SNTG1: variants seen among roughly 807,000 people sequenced by gnomAD.
SNTG1 encodes the protein gamma-1-syntrophin.
SNTG1 carries 39 observed loss-of-function variants against 74.7 expected under a neutral mutation model. The observed-to-expected ratio is 0.52, with a 90% CI of 0.40 to 0.68. The LOEUF (loss-of-function observed/expected upper bound fraction) is 0.68, where lower values mean the gene tolerates loss of function less well. Among genes scored for constraint, SNTG1 ranks in the 30% least tolerant of loss-of-function variants. The probability of loss-of-function intolerance (pLI) is 0.00; values close to 1 mark genes in which losing one functional copy is unlikely to be tolerated. For synonymous variants in SNTG1, 254 were observed against 217.1 expected, an observed-to-expected ratio of 1.17 and a Z score of -1.49; for missense variants, 685 against 609.5, an observed-to-expected ratio of 1.12 and a Z score of -1.30.
intron 2 of SNTG1, among the ~76,000 whole-genome samples, chr8:50,361,364 A>G (rs1346334252): frequency 6.6e-6 from 1 of 152,154 alleles, no homozygotes; most frequent in African/African-American, 2.4e-5. Flanking sequence ...CTTGAGGAGG[A>G]GTCACATTTT....
At position 50,063,717 on chromosome 8, in the gene SNTG1, A is replaced by G. The variant is rs545187006; in HGVS notation, c.-102-108844A>G. ...GGAAACCATTGCTTTTTTTTTTTAA[A>G]TATAAAATGACTTAATAGCTTTTTT... is the stretch of plus-strand genomic sequence containing the variant. On this transcript the variant is annotated intron_variant, in intron 1 of 18. Coordinates refer to ENST00000642720, the MANE Select transcript of SNTG1 (RefSeq NM_018967.5). 2.0e-5 allele frequency among the ~76,000 whole-genome samples: 3 copies of G among 152,150 alleles called. No individual in the cohort carries two copies. The South Asian group carries it at 6.2e-4, about 32-fold the overall frequency.
At chr8:50,167,702 A>C (rs1010067912) in intron 1 of SNTG1, among the ~76,000 whole-genome samples, 1 of 151,330 alleles carries the variant, frequency 6.6e-6, no homozygotes, top group Middle Eastern at 3.2e-3. Context: ...AGTCCCAGCT[A>C]TTCAGGAAGC....
chr8:50,189,954 G>A (rs1334075842), intron 2 of SNTG1, among the ~76,000 whole-genome samples: 1 of 152,106 alleles, frequency 6.6e-6, no homozygotes, highest in East Asian at 1.9e-4. Flanking sequence ...ACGTTTGAGT[G>A]AAGATTATTT....
At chr8:50,011,427 T>G (rs1815785974) in intron 1 of SNTG1, among the ~76,000 whole-genome samples, 1 of 152,158 alleles carries the variant, frequency 6.6e-6, no homozygotes, top group African/African-American at 2.4e-5. Flanking sequence ...GCACAAATAT[T>G]TTTAACTTTT....
chr8:49,949,446 T>C (rs1245068911), intron 1 of SNTG1, among the ~76,000 whole-genome samples: 1 of 152,188 alleles, frequency 6.6e-6, no homozygotes, highest in Non-Finnish European at 1.5e-5. Flanking sequence ...CCACTCTCTT[T>C]TTTTTCTTAT....
At chr8:50,262,286 G>A (rs1340558157) in intron 2 of SNTG1, among the ~76,000 whole-genome samples, 1 of 151,936 alleles carries the variant, frequency 6.6e-6, no homozygotes, top group Non-Finnish European at 1.5e-5. Context: ...TTCCAGCAGA[G>A]GAAACTATAG....
chr8:50,306,602 A>G (rs2089908370), intron 2 of SNTG1, among the ~76,000 whole-genome samples: 2 of 151,988 alleles, frequency 1.3e-5, no homozygotes. Context: ...GGTACGAGTA[A>G]GGTGGTATCT....
intron 1 of SNTG1, among the ~76,000 whole-genome samples, chr8:50,154,954 A>G (rs931931626): frequency 1.3e-5 from 2 of 152,254 alleles, no homozygotes; most frequent in Non-Finnish European, 2.9e-5. Context: ...GTAATTTGTT[A>G]CACTTAGAAT....
At position 50,540,162 on chromosome 8, in the gene SNTG1, G is replaced by T. The variant is rs573179403; in HGVS notation, c.680+3354G>T. ...TCAGAAAGCAGCTGATAAGAATGAGGCCACTCTGTCTTGGCCAGAATAAGA... is the reference window on the plus strand; with the variant it reads ...TCAGAAAGCAGCTGATAAGAATGAGTCCACTCTGTCTTGGCCAGAATAAGA... On this transcript the variant is annotated intron_variant, in intron 11 of 18. Coordinates refer to ENST00000642720, the MANE Select transcript of SNTG1 (RefSeq NM_018967.5). Among the ~76,000 whole-genome samples the T allele has an allele frequency of 5.9e-5, 9 of 152,240 alleles. No individual in the cohort carries two copies. In the South Asian group the frequency reaches 1.2e-3, roughly 21 times the overall value.
At chr8:50,753,806 T>C (rs1262383697) in intron 18 of SNTG1, among the ~76,000 whole-genome samples, 3 of 151,860 alleles carry the variant, frequency 2.0e-5, no homozygotes, top group African/African-American at 7.3e-5. Flanking sequence ...AAAAAAGTAG[T>C]CTTAAAAATA....
At chr8:50,766,328 A>G (rs2095613802) in intron 18 of SNTG1, among the ~76,000 whole-genome samples, 2 of 152,020 alleles carry the variant, frequency 1.3e-5, no homozygotes, top group Admixed American at 1.3e-4. Flanking sequence ...TGTTACTAAG[A>G]TGGTTTCTTA....
chr8:50,576,451 C>A lies in SNTG1; in HGVS notation c.811-14428C>A, dbSNP rs573359896. Among the ~76,000 whole-genome samples, 3 of 152,138 alleles carry A rather than the reference C, an allele frequency of 2.0e-5. No individual in the cohort carries two copies. The East Asian group carries it at 5.8e-4, about 29-fold the overall frequency. On this transcript the variant is annotated intron_variant, in intron 12 of 18. Transcript: ENST00000642720. ...AGATTGTTTTGGCAATTCGGGAGGG[C>A]CCTTGAGATTCCACGCAAATTTTTG...
chr8:50,113,333 T>G (rs1201940827), intron 1 of SNTG1, among the ~76,000 whole-genome samples: 2 of 152,194 alleles, frequency 1.3e-5, no homozygotes, highest in Non-Finnish European at 2.9e-5. Context: ...GTAAGTTGGA[T>G]TCCTAGGTAT....
chr8:50,615,513 A>C (rs16915088), intron 13 of SNTG1, among the ~76,000 whole-genome samples: 7,682 of 152,252 alleles, frequency 0.05, 359 homozygotes, highest in African/African-American at 0.12. Flanking sequence ...ACAGTCGACA[A>C]CATGTTTCTA....
In SNTG1 at chr8:50,520,313, C is replaced by T. The variant is rs754926730; in HGVS notation, c.467-9864C>T. ...ACTCAAGATGGATTGAAGACTTAAA[C>T]GTAAGATCTAAAACCATAAAAACCC... On this transcript the variant is annotated intron_variant, in intron 9 of 18. Transcript: ENST00000642720. Among the ~76,000 whole-genome samples the T allele has an allele frequency of 6.4e-4, 97 of 151,994 alleles. 1 individual carries two copies. Among genetic ancestry groups the T allele is most frequent in the Non-Finnish European group, 1.2e-3 (79 of 67,970 alleles).
chr8:50,181,275 G>A (rs1586609775), intron 2 of SNTG1, among the ~76,000 whole-genome samples: 1 of 152,092 alleles, frequency 6.6e-6, no homozygotes, highest in East Asian at 1.9e-4. Flanking sequence ...TTTGTACCTT[G>A]TGTGTCTCAG....
chr8:50,759,660 GAT>G (rs746780583), intron 18 of SNTG1, among the ~76,000 whole-genome samples: 9 of 150,368 alleles, frequency 6.0e-5, no homozygotes, highest in Admixed American at 6.6e-5. Context: ...CTGTTCCATT[GAT>G]ATATATATAT....
intron 1 of SNTG1, among the ~76,000 whole-genome samples, chr8:50,096,185 A>G (rs879242322): frequency 2.0e-5 from 3 of 152,340 alleles, no homozygotes; most frequent in Admixed American, 2.0e-4. Flanking sequence ...ATTTCCATCA[A>G]TGTCAATATC....
chr8:50,661,259 T>C (rs1477929741), intron 15 of SNTG1, among the ~76,000 whole-genome samples: 4 of 152,166 alleles, frequency 2.6e-5, no homozygotes, highest in Non-Finnish European at 5.9e-5. Flanking sequence ...AATAATAATA[T>C]GTAGGAAGGA....
Sources: gnomAD v4.1 joint callset for allele counts (sites outside exome capture counted in the v4.1 genomes callset) on GRCh38, gnomAD v4.1.1 for gene constraint, MANE v1.5 for transcripts, NCBI Gene and HGNC (gene_info 2026-07-23, HGNC 2026-07-21) for gene names.